The following SAMSN1 variants were observed in gnomAD, a reference collection of about 807,000 sequenced individuals.
SAMSN1 encodes the protein SAM domain-containing protein SAMSN-1.
In SAMSN1, 31 loss-of-function variants were observed where a neutral mutation model predicts 42.0. The ratio of observed to expected loss-of-function variants is 0.74; its 90% CI spans 0.55 to 1.00. The LOEUF is 1.00. Among genes scored for constraint, SAMSN1 ranks in the 50% least tolerant of loss-of-function variants. The pLI, the probability that SAMSN1 is intolerant of heterozygous loss-of-function variation, is 0.00. For missense variants in SAMSN1, 464 were observed against 439.4 expected, an observed-to-expected ratio of 1.06 and a Z score of -0.50; for synonymous variants, 178 against 151.9, an observed-to-expected ratio of 1.17 and a Z score of -1.26.
chr21:14,618,786 G>A (rs1399428266), intron 2 of SAMSN1, among the ~76,000 whole-genome samples: 1 of 151,964 alleles, frequency 6.6e-6, no homozygotes, highest in Non-Finnish European at 1.5e-5. Context: ...GTGAAAAAAT[G>A]TCTAGTCCTT....
chr21:14,492,967 C>G lies in SAMSN1; in HGVS notation c.919+5475G>C, dbSNP rs1986756970. On this transcript the variant is annotated intron_variant, in intron 7 of 7. Transcript: ENST00000400566. ...AAGTGGGTTGGAAACTCCAGGTACACATGTCAGGGGCTAGGCCCAGGCTAT... is the reference window on the plus strand; with the variant it reads ...AAGTGGGTTGGAAACTCCAGGTACAGATGTCAGGGGCTAGGCCCAGGCTAT... Among the ~76,000 whole-genome samples the G allele has an allele frequency of 1.3e-5, 2 of 152,236 alleles. 1 individual carries two copies. Among genetic ancestry groups the G allele is most frequent in the South Asian group, 4.1e-4 (2 of 4,836 alleles).
intron 2 of SAMSN1, among the ~76,000 whole-genome samples, chr21:14,622,829 A>G (rs1983050731): frequency 6.6e-6 from 1 of 152,232 alleles, no homozygotes; most frequent in African/African-American, 2.4e-5. Flanking sequence ...CAGATTCACC[A>G]AAGTTGAAAT....
At chr21:14,497,332 C>T (rs547509936) in intron 7 of SAMSN1, among the ~76,000 whole-genome samples, 6 of 152,250 alleles carry the variant, frequency 3.9e-5, no homozygotes, top group African/African-American at 1.4e-4. Context: ...CGGTGGCTCA[C>T]GCTTGTAATC....
chr21:14,613,494 TTAAG>T (rs1427434307), intron 3 of SAMSN1, among the ~76,000 whole-genome samples: 3 of 152,318 alleles, frequency 2.0e-5, no homozygotes, highest in African/African-American at 7.2e-5. Flanking sequence ...TTGTTATAGC[TTAAG>T]TGTTTTCTAC....
intron 2 of SAMSN1, among the ~76,000 whole-genome samples, chr21:14,561,912 G>A (rs1398755232): frequency 6.6e-6 from 1 of 152,118 alleles, no homozygotes; most frequent in Non-Finnish European, 1.5e-5. Flanking sequence ...GCTATCAGAA[G>A]CTGGAAGAAA....
At chr21:14,500,485 C>CA (rs1229183051) in intron 6 of SAMSN1, 44 bp downstream of exon 6, 4 of 1,534,532 alleles carry the variant, frequency 2.6e-6, no homozygotes, top group Non-Finnish European at 3.6e-6. Context: ...TCGGTGTTTC[C>CA]ATTTACATGC....
chr21:14,530,091 C>T lies in SAMSN1; in HGVS notation c.58-8870G>A, dbSNP rs987795253. Among the ~76,000 whole-genome samples, 41 of 152,156 alleles carry T rather than the reference C, an allele frequency of 2.7e-4. 3 individuals are homozygous for T. Among genetic ancestry groups the T allele is most frequent in the East Asian group, 2.1e-3 (11 of 5,168 alleles). On this transcript the variant is annotated intron_variant, in intron 1 of 7. Transcript: ENST00000400566. The stretch of plus-strand genomic sequence containing the variant: ...CAGCACTTTGGGAGGCCAAGGCAGG[C>T]GGATCACGAGGTCAGGAGATCCAGA...
intron 1 of SAMSN1, among the ~76,000 whole-genome samples, chr21:14,524,543 G>A (rs1196390594): frequency 3.3e-5 from 5 of 151,954 alleles, no homozygotes; most frequent in Non-Finnish European, 1.5e-5. Flanking sequence ...ACCTATAAAG[G>A]GAAATTTGGC....
intron 7 of SAMSN1, among the ~76,000 whole-genome samples, chr21:14,486,556 T>G (rs1986446995): frequency 6.6e-6 from 1 of 152,190 alleles, no homozygotes; most frequent in Admixed American, 6.6e-5. Context: ...TGAACAATTT[T>G]AGATTCATGA....
At chr21:14,570,205 G>T (rs73163016) in intron 2 of SAMSN1, among the ~76,000 whole-genome samples, 4,994 of 152,194 alleles carry the variant, frequency 0.033, 102 homozygotes, top group African/African-American at 0.051. Flanking sequence ...AAAAGTTCCC[G>T]CATTCTAGAG....
chr21:14,499,866 T>C (rs1341552124), intron 6 of SAMSN1, among the ~76,000 whole-genome samples: 1 of 152,214 alleles, frequency 6.6e-6, no homozygotes, highest in Non-Finnish European at 1.5e-5. Flanking sequence ...TTTTGAAAAC[T>C]ATCAAAGTGC....
At chr21:14,571,357 G>T (rs776005333) in intron 2 of SAMSN1, among the ~76,000 whole-genome samples, 2 of 152,142 alleles carry the variant, frequency 1.3e-5, no homozygotes, top group Non-Finnish European at 2.9e-5. Flanking sequence ...TGAGACATGG[G>T]CTTCCACTGG....
chr21:14,657,666 C>T (rs780882603), intron 1 of SAMSN1, among the ~76,000 whole-genome samples: 1 of 151,710 alleles, frequency 6.6e-6, no homozygotes, highest in Non-Finnish European at 1.5e-5. Context: ...AAAGTATGCA[C>T]AATACCACTT....
intron 6 of SAMSN1, among the ~76,000 whole-genome samples, chr21:14,599,504 G>T (rs528396608): frequency 6.6e-6 from 1 of 152,238 alleles, no homozygotes; most frequent in South Asian, 2.1e-4. Flanking sequence ...TTAGCCTCGG[G>T]TATTTCTTCA....
chr21:14,496,466 T>C (rs948580989), intron 7 of SAMSN1: 1 of 152,216 alleles, frequency 6.6e-6, no homozygotes, highest in Admixed American at 6.5e-5. Context: ...CTCCCTGTAC[T>C]TCATGGTCAA....
intron 2 of SAMSN1, among the ~76,000 whole-genome samples, chr21:14,563,995 G>A (rs1448326554): frequency 1.3e-5 from 2 of 152,088 alleles, no homozygotes; most frequent in African/African-American, 4.8e-5. Context: ...CACACCTACT[G>A]GCATTCATTC....
chr21:14,594,400 A>G (rs1982194638), intron 6 of SAMSN1, among the ~76,000 whole-genome samples: 1 of 152,116 alleles, frequency 6.6e-6, no homozygotes, highest in South Asian at 2.1e-4. Context: ...AGCAATTCCA[A>G]TCCATGATCT....
chr21:14,540,419 C>G (rs1198184284), intron 1 of SAMSN1, among the ~76,000 whole-genome samples: 4 of 152,182 alleles, frequency 2.6e-5, no homozygotes, highest in African/African-American at 9.7e-5. Context: ...TATCCAGAAT[C>G]TACAGTGAAC....
At chr21:14,642,979 A>G (rs1370651917) in intron 2 of SAMSN1, 4 of 714,712 alleles carry the variant, frequency 5.6e-6, no homozygotes, top group Non-Finnish European at 1.0e-5. Flanking sequence ...AAAAAAATCC[A>G]CTCCAGTCAA....
Sources: allele counts gnomAD v4.1 joint callset (sites outside exome capture counted in the v4.1 genomes callset), GRCh38; gene constraint gnomAD v4.1.1; transcripts MANE v1.5; gene names NCBI Gene and HGNC (gene_info 2026-07-23, HGNC 2026-07-21).